The following GRIK2 variants were observed in gnomAD, a reference collection of about 807,000 sequenced individuals.
GRIK2 encodes the protein glutamate ionotropic receptor kainate type subunit 2, also known as glutamate receptor ionotropic, kainate 2.
A neutral mutation model predicts 100.3 loss-of-function variants in GRIK2; 32 were observed. The observed-to-expected ratio is 0.32, with a 90% CI of 0.24 to 0.43. The LOEUF (loss-of-function observed/expected upper bound fraction) is 0.43. Ranked by LOEUF, GRIK2 falls within the 20% of genes least tolerant of loss-of-function variation. GRIK2 has a pLI of 1.00. For synonymous variants in GRIK2, 417 were observed against 389.4 expected (o/e 1.07, Z -0.83); for missense variants, 843 against 1,114.9 (o/e 0.76, Z 3.47).
chr6:101,918,192 TG>T (rs1789243880), intron 12 of GRIK2, among the ~76,000 whole-genome samples: 1 of 151,230 alleles, frequency 6.6e-6, no homozygotes, highest in African/African-American at 2.4e-5. Flanking sequence ...TATGTAATAA[TG>T]ATGATGATGA....
rs999666439 is a variant in GRIK2, at chr6:101,654,810, C to T, written c.542-21813C>T. On this transcript the variant is annotated intron_variant, in intron 4 of 16. Transcript: ENST00000369134. ...CTGCTGAACCATTTTGCATGCTCAA[C>T]CCACTCTCCTATCCACCTCTGCTCT... Among the ~76,000 whole-genome samples the T allele has an allele frequency of 4.6e-5, 7 of 152,268 alleles. No individual in the cohort carries two copies. In the South Asian group the frequency reaches 1.4e-3, roughly 32 times the overall value.
chr6:101,567,810 T>C (rs1777350235), intron 2 of GRIK2, among the ~76,000 whole-genome samples: 1 of 152,058 alleles, frequency 6.6e-6, no homozygotes, highest in South Asian at 2.1e-4. Context: ...TATTAACTCA[T>C]CTTCTGAATT....
At chr6:101,786,660 A>G (rs147848283) in intron 7 of GRIK2, among the ~76,000 whole-genome samples, 1 of 152,108 alleles carries the variant, frequency 6.6e-6, no homozygotes, top group African/African-American at 2.4e-5. Context: ...ATGTTGTAGT[A>G]CCTTTTGGAT....
chr6:101,709,229 G>A (rs560719585), intron 7 of GRIK2, among the ~76,000 whole-genome samples: 1 of 151,646 alleles, frequency 6.6e-6, no homozygotes, highest in African/African-American at 2.4e-5. Flanking sequence ...CAGAAACTAT[G>A]AGAAAGATAT....
intron 2 of GRIK2, among the ~76,000 whole-genome samples, chr6:101,544,358 A>G (rs1194229065): frequency 1.3e-5 from 2 of 152,200 alleles, no homozygotes; most frequent in Non-Finnish European, 2.9e-5. Flanking sequence ...GTCACATGTC[A>G]TCATTTAATA....
intron 14 of GRIK2, among the ~76,000 whole-genome samples, chr6:101,989,236 A>G (rs1307923377): frequency 6.6e-6 from 1 of 151,526 alleles, no homozygotes; most frequent in Non-Finnish European, 1.5e-5. Context: ...ATGAAGCAAC[A>G]TTAGGGTTTT....
intron 2 of GRIK2, among the ~76,000 whole-genome samples, chr6:101,488,619 C>T (rs1433917490): frequency 6.8e-6 from 1 of 146,454 alleles, no homozygotes; most frequent in Admixed American, 6.8e-5. Flanking sequence ...TTTGCTTTTG[C>T]CATAAATGAC....
At chr6:101,699,066 A>C (rs1305523058) in intron 7 of GRIK2, among the ~76,000 whole-genome samples, 1 of 152,132 alleles carries the variant, frequency 6.6e-6, no homozygotes, top group Non-Finnish European at 1.5e-5. Context: ...TTTCATTGTA[A>C]GATGCTCAGC....
At chr6:102,003,305 G>T (rs893032945) in intron 14 of GRIK2, among the ~76,000 whole-genome samples, 7 of 151,352 alleles carry the variant, frequency 4.6e-5, no homozygotes, top group Non-Finnish European at 8.9e-5. Flanking sequence ...AATAAACATG[G>T]GACAAATGGA....
chr6:101,891,680 A>C, intron 12 of GRIK2: 2 of 349,750 alleles, frequency 5.7e-6, no homozygotes, highest in Admixed American at 7.5e-5. Flanking sequence ...GCATTTGCCT[A>C]AAACTATGTA....
chr6:101,623,454 G>T (rs1780272800), intron 3 of GRIK2, among the ~76,000 whole-genome samples: 1 of 152,072 alleles, frequency 6.6e-6, no homozygotes, highest in Non-Finnish European at 1.5e-5. Flanking sequence ...TATTACATTT[G>T]ATTAGTGGCA....
intron 11 of GRIK2, among the ~76,000 whole-genome samples, chr6:101,888,300 T>G (rs944358347): frequency 1.4e-4 from 21 of 152,266 alleles, no homozygotes; most frequent in African/African-American, 5.1e-4. Context: ...TTTTCTAACT[T>G]CGCAAGGTTT....
At chr6:101,581,379 CG>C (rs1323769778) in intron 2 of GRIK2, among the ~76,000 whole-genome samples, 1 of 151,744 alleles carries the variant, frequency 6.6e-6, no homozygotes, top group Non-Finnish European at 1.5e-5. Context: ...CACAATAGGC[CG>C]TTTGCAAGCT....
chr6:101,996,517 T>A (rs1246869269), intron 14 of GRIK2, among the ~76,000 whole-genome samples: 1 of 152,058 alleles, frequency 6.6e-6, no homozygotes, highest in Admixed American at 6.6e-5. Context: ...GATCTTCATG[T>A]TTGGATTGTG....
chr6:101,463,171 T>C (rs1179898307), intron 2 of GRIK2, among the ~76,000 whole-genome samples: 1 of 152,186 alleles, frequency 6.6e-6, no homozygotes, highest in Non-Finnish European at 1.5e-5. Context: ...TAACATTATA[T>C]AATAGCATAG....
At chr6:101,894,328 A>G (rs987836746) in intron 12 of GRIK2, among the ~76,000 whole-genome samples, 9 of 151,692 alleles carry the variant, frequency 5.9e-5, no homozygotes, top group African/African-American at 2.2e-4. Flanking sequence ...ATATTTTATG[A>G]TCTCCTGTAA....
chr6:101,924,952 C>T (rs1278564687), intron 13 of GRIK2, among the ~76,000 whole-genome samples: 3 of 152,064 alleles, frequency 2.0e-5, no homozygotes, highest in African/African-American at 7.2e-5. Flanking sequence ...TATTTTTTTC[C>T]TTAACCTACA....
At chr6:101,525,188 A>G (rs1775087946) in intron 2 of GRIK2, among the ~76,000 whole-genome samples, 1 of 152,256 alleles carries the variant, frequency 6.6e-6, no homozygotes. Context: ...AAAGAAGCTT[A>G]TGCAAACATA....
intron 14 of GRIK2, among the ~76,000 whole-genome samples, chr6:101,962,377 T>A (rs1353212252): frequency 6.6e-6 from 1 of 152,184 alleles, no homozygotes; most frequent in Non-Finnish European, 1.5e-5. Context: ...GTAATGTTAT[T>A]CCATTGTAGC....
Sources: gnomAD v4.1 joint callset for allele counts (sites outside exome capture counted in the v4.1 genomes callset) on GRCh38, gnomAD v4.1.1 for gene constraint, MANE v1.5 for transcripts, NCBI Gene and HGNC (gene_info 2026-07-23, HGNC 2026-07-21) for gene names.